The following REC114 variants were observed in gnomAD, a reference collection of about 807,000 sequenced individuals.
REC114 encodes the protein meiotic recombination protein REC114.
REC114 carries 27 observed loss-of-function variants against 31.3 expected under a neutral mutation model. That is an observed-to-expected ratio of 0.86 (90% CI 0.64 to 1.19). REC114 has a LOEUF of 1.19. Among genes scored for constraint, REC114 ranks in the 50% most tolerant of loss-of-function variants. The pLI is 0.00. For missense variants in REC114, 344 were observed against 326.9 expected, an observed-to-expected ratio of 1.05 and a Z score of -0.40; for synonymous variants, 134 against 127.7, an observed-to-expected ratio of 1.05 and a Z score of -0.33.
At chr15:73,548,188 A>C (rs1241591879) in intron 3 of REC114, among the ~76,000 whole-genome samples, 2 of 152,244 alleles carry the variant, frequency 1.3e-5, no homozygotes, top group Non-Finnish European at 2.9e-5. Flanking sequence ...GGCTCACTGC[A>C]ACCTCCACCT....
At chr15:73,502,317 C>G (rs1893614403) in intron 2 of REC114, among the ~76,000 whole-genome samples, 1 of 152,090 alleles carries the variant, frequency 6.6e-6, no homozygotes, top group Non-Finnish European at 1.5e-5. Flanking sequence ...TATTACACTA[C>G]AGTTGATCCT....
intron 2 of REC114, among the ~76,000 whole-genome samples, chr15:73,539,234 GA>G (rs1051776336): frequency 6.9e-6 from 1 of 145,910 alleles, no homozygotes; most frequent in East Asian, 2.0e-4. Context: ...TTTCCATTTG[GA>G]AAAAAAACCT....
intron 2 of REC114, among the ~76,000 whole-genome samples, chr15:73,480,283 T>G (rs1253549715): frequency 1.3e-5 from 2 of 151,798 alleles, no homozygotes; most frequent in African/African-American, 4.8e-5. Flanking sequence ...TTATTTTTAT[T>G]TTTTTGAAAT....
chr15:73,547,609 C>T (rs1453107060), intron 3 of REC114, among the ~76,000 whole-genome samples: 1 of 152,164 alleles, frequency 6.6e-6, no homozygotes, highest in Non-Finnish European at 1.5e-5. Flanking sequence ...TGTTGCAGCA[C>T]TATTCACTAT....
chr15:73,461,559 T>C (rs1892987149), intron 1 of REC114, among the ~76,000 whole-genome samples: 1 of 152,210 alleles, frequency 6.6e-6, no homozygotes, highest in African/African-American at 2.4e-5. Flanking sequence ...TCATACTCTT[T>C]TGACTTTTTT....
chr15:73,538,982 G>A (rs1158497308), intron 2 of REC114, among the ~76,000 whole-genome samples: 3 of 150,868 alleles, frequency 2.0e-5, no homozygotes, highest in East Asian at 1.9e-4. Flanking sequence ...ATGAATTCCC[G>A]GCATTGGGAT....
At chr15:73,504,809 T>TA (rs1893653305) in intron 2 of REC114, among the ~76,000 whole-genome samples, 1 of 152,208 alleles carries the variant, frequency 6.6e-6, no homozygotes, top group African/African-American at 2.4e-5. Context: ...ATAAGTTGTA[T>TA]AAAAAATTTT....
chr15:73,520,526 C>A (rs1893923400), intron 2 of REC114, among the ~76,000 whole-genome samples: 1 of 152,120 alleles, frequency 6.6e-6, no homozygotes, highest in Non-Finnish European at 1.5e-5. Context: ...CTGTGCCTGG[C>A]CTATTGTATT....
chr15:73,555,540 C>G (rs549759784), intron 4 of REC114, among the ~76,000 whole-genome samples: 7 of 152,228 alleles, frequency 4.6e-5, no homozygotes, highest in African/African-American at 1.4e-4. Flanking sequence ...AGCATACAGC[C>G]CTCCAGTTTA....
chr15:73,469,008 A>T (rs1218528820), intron 1 of REC114, among the ~76,000 whole-genome samples: 2 of 152,122 alleles, frequency 1.3e-5, no homozygotes, highest in Non-Finnish European at 2.9e-5. Context: ...AATCAACCAG[A>T]ACTTGTTCTG....
At chr15:73,501,547 A>G (rs1893604155) in intron 2 of REC114, among the ~76,000 whole-genome samples, 1 of 152,152 alleles carries the variant, frequency 6.6e-6, no homozygotes, top group Non-Finnish European at 1.5e-5. Flanking sequence ...CAGGTTCAAG[A>G]GAGTCTCATG....
intron 2 of REC114, among the ~76,000 whole-genome samples, chr15:73,537,567 A>AT (rs1336982212): frequency 6.6e-6 from 1 of 152,212 alleles, no homozygotes; most frequent in East Asian, 1.9e-4. Context: ...CCTTTTTAAA[A>AT]TTGTGGTAAA....
chr15:73,554,329 G>A (rs972252472), intron 4 of REC114, among the ~76,000 whole-genome samples: 2 of 152,282 alleles, frequency 1.3e-5, no homozygotes, highest in Middle Eastern at 3.4e-3. Context: ...CTCTTTCTCA[G>A]AATCCGTCTT....
At chr15:73,512,957 C>T (rs1046564863) in intron 2 of REC114, among the ~76,000 whole-genome samples, 7 of 151,690 alleles carry the variant, frequency 4.6e-5, no homozygotes, top group South Asian at 4.2e-4. Flanking sequence ...ATCTTTGTGG[C>T]GTTCTCTGTA....
At position 73,559,919 on chromosome 15, in the gene REC114, C is replaced by G; in HGVS notation, c.*3C>G. ...AGCTGGCGGGTTTGAGAAATTAATGCTCTATATACATATATAACTAAGGAA... is the reference window on the plus strand; with the variant it reads ...AGCTGGCGGGTTTGAGAAATTAATGGTCTATATACATATATAACTAAGGAA... On this transcript the variant is annotated 3_prime_UTR_variant, in exon 6 of 6. Coordinates refer to ENST00000331090, the MANE Select transcript of REC114 (RefSeq NM_001042367.2). The G allele has an allele frequency of 6.2e-7, 1 of 1,605,656 alleles. No homozygotes were observed. Among genetic ancestry groups the G allele is most frequent in the Non-Finnish European group, 8.5e-7 (1 of 1,177,376 alleles).
At chr15:73,484,157 T>G (rs925826720) in intron 2 of REC114, among the ~76,000 whole-genome samples, 20 of 151,998 alleles carry the variant, frequency 1.3e-4, no homozygotes, top group Admixed American at 8.5e-4. Flanking sequence ...ATGTAGCTTT[T>G]AAAACATTTT....
In REC114 at chr15:73,539,282, A is replaced by ATTTTTTTTTTTT. The variant is rs753968018; in HGVS notation, c.250-1188_250-1177dup. 6.1e-4 allele frequency among the ~76,000 whole-genome samples: 43 copies of ATTTTTTTTTTTT among 70,824 alleles called. 5 individuals carry two copies. Among genetic ancestry groups the ATTTTTTTTTTTT allele is most frequent in the African/African-American group, 2.4e-3 (36 of 15,138 alleles). The allele number at this position is 70,824 out of a possible 152,430, so 46.5% of individuals were successfully genotyped here. On this transcript the variant is annotated intron_variant, in intron 2 of 5. Transcript: ENST00000331090. ...GCTTAGAGGTAGCATTTCAGAACTG[A>ATTTTTTTTTTTT]TTTTTTTTTTTTTTTTTTTTTTTTT...
At chr15:73,476,348 C>T (rs988749653) in intron 2 of REC114, among the ~76,000 whole-genome samples, 2 of 152,102 alleles carry the variant, frequency 1.3e-5, no homozygotes, top group African/African-American at 2.4e-5. Context: ...AATCATGATA[C>T]AGAACATTTC....
chr15:73,452,774 C>G (rs560429099), intron 1 of REC114, among the ~76,000 whole-genome samples: 2 of 152,084 alleles, frequency 1.3e-5, no homozygotes, highest in African/African-American at 4.8e-5. Flanking sequence ...GGTACTGGTA[C>G]CAAAACAGAT....
Sources: allele counts gnomAD v4.1 joint callset (sites outside exome capture counted in the v4.1 genomes callset), GRCh38; gene constraint gnomAD v4.1.1; transcripts MANE v1.5; gene names NCBI Gene and HGNC (gene_info 2026-07-23, HGNC 2026-07-21).